The following C4orf36 variants were observed in gnomAD, a reference collection of about 807,000 sequenced individuals.
The protein encoded by C4orf36 is chromosome 4 open reading frame 36, also known as uncharacterized protein C4orf36.
A neutral mutation model predicts 12.2 loss-of-function variants in C4orf36; 11 were observed. The observed-to-expected ratio is 0.90, with a 90% CI of 0.57 to 1.49. The LOEUF is 1.49. Ranked by LOEUF, C4orf36 falls within the 40% of genes most tolerant of loss-of-function variation. C4orf36 has a pLI of 0.00. For missense variants in C4orf36, 137 were observed against 133.9 expected, an observed-to-expected ratio of 1.02 and a Z score of -0.11; for synonymous variants, 54 against 51.3, an observed-to-expected ratio of 1.05 and a Z score of -0.22.
chr4:86,876,369 G>T lies in C4orf36; in HGVS notation c.*77C>A, dbSNP rs986723007. 1.9e-6 allele frequency: 3 copies of T among 1,594,758 alleles called. No individual in the cohort carries two copies. In the African/African-American group the frequency reaches 4.0e-5, roughly 21 times the overall value. On this transcript the variant is annotated 3_prime_UTR_variant, in exon 5 of 5. Transcript: ENST00000295898. Reference sequence around the variant, plus strand: ...CGCAGCGACGGCCGGGGCCGGGAGCGGGTCCTGGGCGGCCCAGGAGAAGCA... The same window carrying T: ...CGCAGCGACGGCCGGGGCCGGGAGCTGGTCCTGGGCGGCCCAGGAGAAGCA...
In C4orf36 at chr4:86,887,966, C is replaced by G; in HGVS notation, c.221-73G>C. 1.9e-6 allele frequency: 3 copies of G among 1,585,986 alleles called. No individual in the cohort carries two copies. In the Admixed American group the frequency reaches 5.2e-5, roughly 27 times the overall value. ...GCATAACTAAGTCAAAACTGAATAT[C>G]ATACAGCAAAATCCATATGCCTGAA... On this transcript the variant is annotated intron_variant, in intron 3 of 4. Coordinates refer to ENST00000295898, the MANE Select transcript of C4orf36 (RefSeq NM_144645.4).
chr4:86,889,491 C>T (rs1747310716), intron 2 of C4orf36, among the ~76,000 whole-genome samples: 1 of 152,164 alleles, frequency 6.6e-6, no homozygotes, highest in Non-Finnish European at 1.5e-5. Context: ...TTATTGTTTA[C>T]ATAGCACCTA....
the C4orf36 span, chr4:86,933,030 T>C: frequency 2.1e-4 from 32 of 152,108 alleles, no homozygotes; most frequent in Non-Finnish European, 4.3e-4. Context: ...ATTTAAAAAG[T>C]AGATATAAAA....
intron 4 of C4orf36, chr4:86,876,796 G>C: frequency 7.7e-7 from 1 of 1,303,824 alleles, no homozygotes; most frequent in Non-Finnish European, 1.0e-6. Context: ...TAAAAAAAAA[G>C]AGATTTTCTC....
intron 4 of C4orf36, among the ~76,000 whole-genome samples, chr4:86,883,212 T>A (rs1181378112): frequency 8.6e-6 from 1 of 115,790 alleles, no homozygotes; most frequent in Non-Finnish European, 2.1e-5. Flanking sequence ...GCACACAAAT[T>A]CTCCATGCTA....
upstream of C4orf36, among the ~76,000 whole-genome samples, chr4:86,894,040 G>A (rs1271787920): frequency 2.0e-5 from 3 of 151,418 alleles, no homozygotes; most frequent in Admixed American, 1.3e-4. Flanking sequence ...GGGACTACAG[G>A]CGCCCGCCAC....
intron 4 of C4orf36, among the ~76,000 whole-genome samples, chr4:86,883,560 C>A (rs1243384068): frequency 6.6e-6 from 1 of 152,144 alleles, no homozygotes; most frequent in Non-Finnish European, 1.5e-5. Flanking sequence ...AGTAGGTATA[C>A]CTGTATTATC....
At chr4:86,882,612 T>C (rs1328568427) in intron 4 of C4orf36, among the ~76,000 whole-genome samples, 1 of 152,198 alleles carries the variant, frequency 6.6e-6, no homozygotes, top group East Asian at 1.9e-4. Flanking sequence ...AACCTTCTTT[T>C]CTGAAAAGCA....
At chr4:86,881,002 C>T (rs548493658) in intron 4 of C4orf36, among the ~76,000 whole-genome samples, 1 of 148,226 alleles carries the variant, frequency 6.7e-6, no homozygotes, top group Non-Finnish European at 1.5e-5. Flanking sequence ...CACTCGACTC[C>T]AGCCTGGGCA....
the C4orf36 span, chr4:86,914,391 CTTTTTTTTTTTT>C: frequency 7.3e-5 from 24 of 327,790 alleles, no homozygotes; most frequent in African/African-American, 1.6e-4. Flanking sequence ...CTTCTTCTTC[CTTTTTTTTTTTT>C]TTTTTTTTTT....
intron 4 of C4orf36, among the ~76,000 whole-genome samples, chr4:86,884,883 G>C (rs1747138216): frequency 6.6e-6 from 1 of 152,148 alleles, no homozygotes. Flanking sequence ...TTTTGTGTAA[G>C]GTGTAAGGAA....
intron 4 of C4orf36, among the ~76,000 whole-genome samples, chr4:86,884,316 T>C (rs1215727910): frequency 6.7e-6 from 1 of 150,100 alleles, no homozygotes; most frequent in African/African-American, 2.5e-5. Flanking sequence ...TTTTTTTTTT[T>C]TTTTTTGAGA....
At chr4:86,891,092 G>A (rs988697769) in intron 2 of C4orf36, among the ~76,000 whole-genome samples, 1 of 152,136 alleles carries the variant, frequency 6.6e-6, no homozygotes, top group African/African-American at 2.4e-5. Flanking sequence ...TAGACGTGGA[G>A]TATCTAAACA....
the C4orf36 span, among the ~76,000 whole-genome samples, chr4:86,927,505 T>C: frequency 1.3e-5 from 2 of 151,006 alleles, 1 homozygote; most frequent in African/African-American, 4.9e-5. Flanking sequence ...GTTTAAGAAA[T>C]ATTCTGGGGC....
intron 4 of C4orf36, among the ~76,000 whole-genome samples, chr4:86,883,839 C>G (rs1747102182): frequency 6.6e-6 from 1 of 152,046 alleles, no homozygotes; most frequent in Non-Finnish European, 1.5e-5. Context: ...ACCACCCTGG[C>G]CAACATGGTG....
the C4orf36 span, among the ~76,000 whole-genome samples, chr4:86,917,249 C>G: frequency 3.3e-5 from 5 of 151,774 alleles, no homozygotes; most frequent in Admixed American, 2.6e-4. Context: ...CACTTCACTG[C>G]ACCCGGGGCA....
the C4orf36 span, among the ~76,000 whole-genome samples, chr4:86,920,721 A>G: frequency 4.6e-5 from 7 of 152,156 alleles, no homozygotes; most frequent in Admixed American, 4.6e-4. Context: ...TCCCTCAATA[A>G]CTAACACACT....
Position 86,891,553 on chromosome 4 carries a change from G to A in C4orf36, c.-33C>T, listed in dbSNP as rs1216161107. 6.8e-6 allele frequency: 11 copies of A among 1,613,712 alleles called. No homozygotes were observed. The highest frequency in any genetic ancestry group is 5.0e-5 in the Admixed American group (3 of 59,970). Reference sequence around the variant, plus strand: ...TATTACGGTATGATTTCGTTACATAGGTGCCTGATGGAATGTCACAGATAA... The same window carrying A: ...TATTACGGTATGATTTCGTTACATAAGTGCCTGATGGAATGTCACAGATAA... On this transcript the variant is annotated 5_prime_UTR_variant, in exon 2 of 5. Coordinates refer to ENST00000295898, the MANE Select transcript of C4orf36 (RefSeq NM_144645.4).
At chr4:86,915,008 A>G in the C4orf36 span, among the ~76,000 whole-genome samples, 2 of 152,122 alleles carry the variant, frequency 1.3e-5, no homozygotes, top group Non-Finnish European at 2.9e-5. Flanking sequence ...TATCTTTGAC[A>G]TATTAGTTTA....
Sources: allele counts gnomAD v4.1 joint callset (sites outside exome capture counted in the v4.1 genomes callset), GRCh38; gene constraint gnomAD v4.1.1; transcripts MANE v1.5; gene names NCBI Gene and HGNC (gene_info 2026-07-23, HGNC 2026-07-21).